Variants in UTS2 observed in about 807,000 individuals in gnomAD.
UTS2 encodes the protein urotensin 2.
In UTS2, 10 loss-of-function variants were observed where a neutral mutation model predicts 12.6. That is an observed-to-expected ratio of 0.80 (90% CI 0.49 to 1.35). UTS2 has a LOEUF of 1.35. Among genes scored for constraint, UTS2 ranks in the 40% most tolerant of loss-of-function variants. The probability of loss-of-function intolerance (pLI) is 0.00; values close to 1 mark genes in which losing one functional copy is unlikely to be tolerated. For missense variants in UTS2, 142 were observed against 143.2 expected, an observed-to-expected ratio of 0.99 and a Z score of 0.04; for synonymous variants, 52 against 50.0, an observed-to-expected ratio of 1.04 and a Z score of -0.17.
chr1:7,884,782 C>T, the UTS2 span, among the ~76,000 whole-genome samples: 1 of 152,006 alleles, frequency 6.6e-6, no homozygotes, highest in East Asian at 1.9e-4. Context: ...ATTTTATCTA[C>T]CATTCATCCA....
chr1:7,863,000 A>T, the UTS2 span, among the ~76,000 whole-genome samples: 2 of 19,312 alleles, frequency 1.0e-4, no homozygotes, highest in African/African-American at 3.6e-4. Context: ...GTTGTATTGT[A>T]TTGTATTGTA....
chr1:7,868,265 T>A, the UTS2 span, among the ~76,000 whole-genome samples: 1 of 152,216 alleles, frequency 6.6e-6, no homozygotes, highest in South Asian at 2.1e-4. Flanking sequence ...ATGCCGCTAC[T>A]GATTTATTGC....
At chr1:7,859,127 C>A in the UTS2 span, among the ~76,000 whole-genome samples, 1 of 152,130 alleles carries the variant, frequency 6.6e-6, no homozygotes, top group Non-Finnish European at 1.5e-5. Context: ...GAAACCAGGG[C>A]AGCTCATATT....
the UTS2 span, among the ~76,000 whole-genome samples, chr1:7,909,904 G>C: frequency 6.6e-6 from 1 of 152,050 alleles, no homozygotes; most frequent in African/African-American, 2.4e-5. Context: ...GTGAGCCACC[G>C]CGCCCAGCCT....
At chr1:7,899,174 A>G in the UTS2 span, among the ~76,000 whole-genome samples, 1 of 152,082 alleles carries the variant, frequency 6.6e-6, no homozygotes, top group East Asian at 1.9e-4. Flanking sequence ...CCATGACCCA[A>G]TCACCTCCCA....
the UTS2 span, among the ~76,000 whole-genome samples, chr1:7,864,430 G>T: frequency 1.2e-4 from 19 of 152,274 alleles, no homozygotes; most frequent in African/African-American, 4.3e-4. Context: ...GTCCTCTGAG[G>T]TTCCTTTGTC....
At chr1:7,909,409 G>A in the UTS2 span, among the ~76,000 whole-genome samples, 1 of 151,742 alleles carries the variant, frequency 6.6e-6, no homozygotes, top group Non-Finnish European at 1.5e-5. Flanking sequence ...GCCAGGCATG[G>A]TAGTGCACCC....
chr1:7,880,699 A>G, the UTS2 span, among the ~76,000 whole-genome samples: 1 of 152,206 alleles, frequency 6.6e-6, no homozygotes, highest in South Asian at 2.1e-4. Context: ...CCAGGACTGA[A>G]AGATTTTACT....
At chr1:7,871,561 A>G in the UTS2 span, among the ~76,000 whole-genome samples, 14 of 148,774 alleles carry the variant, frequency 9.4e-5, no homozygotes, top group African/African-American at 2.5e-4. Flanking sequence ...ACTCAATTGT[A>G]CTTCAGATAT....
the UTS2 span, among the ~76,000 whole-genome samples, chr1:7,899,444 AAAT>A: frequency 3.3e-5 from 5 of 152,310 alleles, no homozygotes; most frequent in African/African-American, 1.2e-4. Context: ...TAAAAAAATA[AAAT>A]AATAATGTTT....
chr1:7,904,242 G>A, the UTS2 span, among the ~76,000 whole-genome samples: 2 of 151,620 alleles, frequency 1.3e-5, no homozygotes, highest in Non-Finnish European at 2.9e-5. Context: ...AAGGCGGAAG[G>A]ATAGCTTGAG....
At chr1:7,862,730 G>A in the UTS2 span, among the ~76,000 whole-genome samples, 5 of 152,106 alleles carry the variant, frequency 3.3e-5, no homozygotes, top group African/African-American at 9.7e-5. Flanking sequence ...GCACCCCAGG[G>A]AGGGCATTCA....
At chr1:7,884,149 A>C in the UTS2 span, among the ~76,000 whole-genome samples, 1 of 152,152 alleles carries the variant, frequency 6.6e-6, no homozygotes, top group South Asian at 2.1e-4. Flanking sequence ...TGAATCTGTA[A>C]TATTTCTGTG....
the UTS2 span, among the ~76,000 whole-genome samples, chr1:7,876,647 C>T: frequency 6.6e-6 from 1 of 152,110 alleles, no homozygotes; most frequent in Non-Finnish European, 1.5e-5. Context: ...ACCTGACTTG[C>T]CACCACCACC....
upstream of UTS2, among the ~76,000 whole-genome samples, chr1:7,857,948 AT>A (rs1638348788): frequency 6.6e-6 from 1 of 151,992 alleles, no homozygotes; most frequent in African/African-American, 2.4e-5. Flanking sequence ...TAAAGCACTC[AT>A]GAAGTCTCAC....
the UTS2 span, among the ~76,000 whole-genome samples, chr1:7,888,317 T>G: frequency 6.6e-6 from 1 of 152,126 alleles, no homozygotes; most frequent in African/African-American, 2.4e-5. Context: ...CTGAGCATTT[T>G]CTTCCTTCCT....
the UTS2 span, among the ~76,000 whole-genome samples, chr1:7,876,265 A>T: frequency 1.3e-5 from 2 of 152,106 alleles, no homozygotes; most frequent in African/African-American, 4.8e-5. Context: ...ACCACGGGGG[A>T]TATTGAGGAT....
rs746687012 is a variant in UTS2 at position 7,850,968 on chromosome 1, T to C, written c.104-46A>G. On this transcript the variant is annotated intron_variant, in intron 1 of 3. Transcript: ENST00000361696. Reference sequence around the variant, plus strand: ...CTTAGAATTGGGTTCATCCTTCAGTTAGTTATTTCTGTTCCTTGTGTCTTT... The same window carrying C: ...CTTAGAATTGGGTTCATCCTTCAGTCAGTTATTTCTGTTCCTTGTGTCTTT... 3 of 1,584,516 alleles carry C rather than the reference T, an allele frequency of 1.9e-6. No homozygotes were observed. The South Asian group carries it at 3.3e-5, about 18-fold the overall frequency.
At chr1:7,887,531 G>A in the UTS2 span, among the ~76,000 whole-genome samples, 2 of 143,784 alleles carry the variant, frequency 1.4e-5, no homozygotes, top group South Asian at 4.4e-4. Flanking sequence ...GGCTGAGGCA[G>A]ATGGTTTACT....
Sources: allele counts gnomAD v4.1 joint callset (sites outside exome capture counted in the v4.1 genomes callset), GRCh38; gene constraint gnomAD v4.1.1; transcripts MANE v1.5; gene names NCBI Gene and HGNC (gene_info 2026-07-23, HGNC 2026-07-21).